The following CHRD variants were observed in gnomAD, a reference collection of about 807,000 sequenced individuals.
CHRD encodes chordin.
A neutral mutation model predicts 113.7 loss-of-function variants in CHRD; 69 were observed. That is an observed-to-expected ratio of 0.61 (90% confidence interval 0.50 to 0.74). The LOEUF is 0.74. Ranked by LOEUF, CHRD falls within the 30% of genes least tolerant of loss-of-function variation. CHRD has a pLI of 0.00. For synonymous variants in CHRD, 561 were observed against 540.8 expected (o/e 1.04, Z -0.52); for missense variants, 1,194 against 1,295.8 (o/e 0.92, Z 1.21).
Position 184,381,771 on chromosome 3 carries a change from C to T in CHRD, c.567C>T (p.Val189=), listed in dbSNP as rs771328484. ...CGCAGGCGGTGGCACGAGCCCGAGT[C>T]TCGCTGCTGCGCTCTAGCCTCCGCT... Residue 189 remains valine (V), a synonymous_variant, in exon 5 of 23, where the codon GTC becomes GTT. Coordinates refer to ENST00000204604, the Ensembl canonical transcript of CHRD. This position sits in a 1 kb window ranked among gnomAD's most constrained non-coding sequence, Gnocchi z 4.7. 6.2e-7 allele frequency: 1 copy of T among 1,613,292 alleles called. No homozygotes were observed. Among genetic ancestry groups the T allele is most frequent in the South Asian group, 1.1e-5 (1 of 91,060 alleles).
intron 6 of CHRD, 49 bp from the exon 7 acceptor site, chr3:184,382,340 T>C (rs780531471): frequency 1.2e-6 from 2 of 1,607,950 alleles, no homozygotes; most frequent in Admixed American, 1.7e-5. Context: ...CTAATTGGCC[T>C]AGCCTGCACA....
In CHRD at chr3:184,382,874, T is replaced by G. The variant is rs1715671199; in HGVS notation, c.1001T>G (p.Leu334Trp). Residue 334 changes from leucine to tryptophan, a missense_variant, in exon 9 of 23, where the codon TTG becomes TGG. Transcript: ENST00000204604. ...CTTGCAGGACTAACCCAGGTTCCCT[T>G]GAGGCTCCAGATTCTACACCAGGGG... is the stretch of plus-strand genomic sequence containing the variant. 5.0e-6 allele frequency: 8 copies of G among 1,613,124 alleles called. No individual in the cohort carries two copies. The East Asian group carries it at 1.8e-4, about 36-fold the overall frequency.
chr3:184,386,657 C>T lies in CHRD; in HGVS notation c.2098C>T (p.Arg700Ter), dbSNP rs1716351103. ...CAAACCTGGTGGTCCTGGGCGGCCCCGAGACCCCAACACATGCTTCTTCGA... is the reference window on the plus strand; with the variant it reads ...CAAACCTGGTGGTCCTGGGCGGCCCTGAGACCCCAACACATGCTTCTTCGA... Residue 700 changes from arginine (R) to a stop codon, truncating the protein, a stop_gained, in exon 16 of 23, where the codon CGA becomes TGA. Coordinates refer to ENST00000204604, the Ensembl canonical transcript of CHRD. LOFTEE classifies it high-confidence loss of function. The T allele has an allele frequency of 6.2e-6, 10 of 1,611,476 alleles. No homozygotes were observed. Among genetic ancestry groups the T allele is most frequent in the African/African-American group, 1.3e-5 (1 of 75,040 alleles).
In CHRD at chr3:184,388,183, GA is replaced by G. The variant is rs2108661795; in HGVS notation, c.2554+152del. On this transcript the variant is annotated intron_variant, in intron 20 of 22. Coordinates refer to ENST00000204604, the Ensembl canonical transcript of CHRD. This position sits in a 1 kb window ranked among gnomAD's most constrained non-coding sequence, Gnocchi z 6.1. ...GCCAGGACTCTAAATGCAGTGGAAA[GA>G]ATGTGATATACTAGTGGGGTATGAT... 1.4e-6 allele frequency: 1 copy of G among 704,998 alleles called. No homozygotes were observed. The highest frequency in any genetic ancestry group is 2.5e-6 in the Non-Finnish European group (1 of 406,560). The allele number at this position is 704,998 out of a possible 1,614,324, so 43.7% of individuals were successfully genotyped here.
chr3:184,387,876 G>A lies in CHRD; in HGVS notation c.2452-55G>A. ...AGGTGTGGAATAGGAGAGGGAGTGG[G>A]CAGGAGGCTTATGTGCCCCCTGCCT... On this transcript the variant is annotated intron_variant, in intron 19 of 22. Transcript: ENST00000204604. The surrounding 1 kb of genome is among the most constrained non-coding windows in gnomAD (Gnocchi z 6.1). The A allele has an allele frequency of 1.4e-6, 2 of 1,454,380 alleles. No homozygotes were observed. The highest frequency in any genetic ancestry group is 1.9e-6 in the Non-Finnish European group (2 of 1,050,568). The allele number at this position is 1,454,380 out of a possible 1,614,324, so 90.1% of individuals were successfully genotyped here. A position where few individuals can be genotyped will look rare whatever the true frequency, so the allele number is the denominator to read the frequency against.
chr3:184,383,231 G>A, intron 10 of CHRD, 68 bp downstream of exon 10: 1 of 1,587,936 alleles, frequency 6.3e-7, no homozygotes, highest in East Asian at 2.2e-5. Context: ...GTGCCAGGGT[G>A]GGTGTGGGAG....
Position 184,381,979 on chromosome 3 carries a change from G to T in CHRD, c.658G>T (p.Val220Phe). The change falls in exon 6 of 23, where the codon GTC becomes TTC. Residue 220 changes from valine to phenylalanine, a missense_variant. Coordinates refer to ENST00000204604, the Ensembl canonical transcript of CHRD. The surrounding 1 kb of genome is among the most constrained non-coding windows in gnomAD (Gnocchi z 4.7). ...CCGCTTCTCAGACTCCAATGGCAGT[G>T]TCCTGTTTGAGCACCCTGCAGCCCC... The T allele has an allele frequency of 6.2e-7, 1 of 1,614,180 alleles. No individual in the cohort carries two copies. The highest frequency in any genetic ancestry group is 8.5e-7 in the Non-Finnish European group (1 of 1,180,036).
chr3:184,383,081 G>C (rs1407785532), exon 10 of CHRD: 14 of 1,611,280 alleles, frequency 8.7e-6, no homozygotes, highest in Non-Finnish European at 1.1e-5. Context: ...TGGTGCTGGG[G>C]GAGCTGCAGA....
At chr3:184,389,535 G>A in exon 23 of CHRD, 1 of 927,012 alleles carries the variant, frequency 1.1e-6, no homozygotes, top group Non-Finnish European at 1.7e-6. Flanking sequence ...TTGCTCCTCT[G>A]TCCTGCCTCT....
chr3:184,387,656 C>T lies in CHRD; in HGVS notation c.2451+179C>T, dbSNP rs1716543087. On this transcript the variant is annotated intron_variant, in intron 19 of 22. Transcript: ENST00000204604. This position sits in a 1 kb window ranked among gnomAD's most constrained non-coding sequence, Gnocchi z 6.1. ...CTGTGGGAAAATGAACAGGGCTGAC[C>T]TGGGTGTGGATTCTGGCTCTGCCAG... Among the ~76,000 whole-genome samples the T allele has an allele frequency of 6.6e-6, 1 of 152,182 alleles. No homozygotes were observed. Among genetic ancestry groups the T allele is most frequent in the Non-Finnish European group, 1.5e-5 (1 of 68,032 alleles).
chr3:184,380,425 T>C lies in CHRD; in HGVS notation c.107T>C (p.Ile36Thr). Residue 36 changes from isoleucine to threonine, a missense_variant, in exon 1 of 23, where the codon ATC (isoleucine) becomes ACC (threonine). Ile to Thr is a moderately conservative substitution (Grantham distance 89, BLOSUM62 -1). Coordinates refer to ENST00000204604, the Ensembl canonical transcript of CHRD. The surrounding 1 kb of genome is among the most constrained non-coding windows in gnomAD (Gnocchi z 6.3). ...GGCCCAGAGCCCCCCGTGCTGCCCA[T>C]CCGTTCTGAGAAGGAGCCGCTGCCC... The C allele has an allele frequency of 7.6e-7, 1 of 1,323,278 alleles. No homozygotes were observed. The highest frequency in any genetic ancestry group is 1.6e-5 in the South Asian group (1 of 63,948). 82.0% of individuals were successfully genotyped at this position (1,323,278 alleles called of 1,614,324 possible). A position where few individuals can be genotyped will look rare whatever the true frequency, so the allele number is the denominator to read the frequency against.
exon 16 of CHRD, chr3:184,386,740 A>T: frequency 6.2e-7 from 1 of 1,612,740 alleles, no homozygotes; most frequent in Non-Finnish European, 8.5e-7. Context: ...CGCTCTGCTC[A>T]CTCTGCACCT....
chr3:184,380,820 G>T lies in CHRD; in HGVS notation c.252+25G>T. The T allele has an allele frequency of 6.5e-7, 1 of 1,531,766 alleles. No homozygotes were observed. 94.9% of individuals were successfully genotyped at this position (1,531,766 alleles called of 1,614,324 possible). On this transcript the variant is annotated intron_variant, in intron 2 of 22. Coordinates refer to ENST00000204604, the Ensembl canonical transcript of CHRD. The surrounding 1 kb of genome is among the most constrained non-coding windows in gnomAD (Gnocchi z 6.3). The stretch of plus-strand genomic sequence containing the variant: ...GGTGAGTGCACCCCGCGGCCGGCCC[G>T]GGCCCTGGCGGGTGGGGAGCGCCGG...
rs1715431201 is a variant in CHRD at position 184,381,600 on chromosome 3, C to G, written c.487C>G (p.Arg163Gly). ...CCGCGGGGAGCCAGGCGCTGAGGAG[C>G]GGGCCCGTGGTGACGGCCACACGGG... is the stretch of plus-strand genomic sequence containing the variant. The change falls in exon 4 of 23, where the codon CGG (arginine) becomes GGG (glycine). Residue 163 changes from arginine (R) to glycine (G), a missense_variant. Transcript: ENST00000204604. This position sits in a 1 kb window ranked among gnomAD's most constrained non-coding sequence, Gnocchi z 4.7. 1 of 1,607,110 alleles carries G rather than the reference C, an allele frequency of 6.2e-7. No homozygotes were observed. The highest frequency in any genetic ancestry group is 8.5e-7 in the Non-Finnish European group (1 of 1,176,840).
exon 14 of CHRD, chr3:184,385,072 C>T (rs1233415690): frequency 1.2e-6 from 2 of 1,614,034 alleles, no homozygotes; most frequent in East Asian, 4.5e-5. Flanking sequence ...AAGAGCCAAG[C>T]AGCAGGGCAC....
chr3:184,380,361 G>C lies in CHRD; in HGVS notation c.43G>C (p.Gly15Arg), dbSNP rs1715092322. The change falls in exon 1 of 23, where the codon GGG becomes CGG. Residue 15 changes from glycine (G) to arginine (R), a missense_variant. Gly to Arg is a moderately radical substitution (Grantham distance 125, BLOSUM62 -2). Coordinates refer to ENST00000204604, the Ensembl canonical transcript of CHRD. This position sits in a 1 kb window ranked among gnomAD's most constrained non-coding sequence, Gnocchi z 6.3. Reference sequence around the variant, plus strand: ...CCCGCCGGCCCCGCTGCTGCTCCTCGGGCTGCTGCTGCTCGGCTCCCGGCC... The same window carrying C: ...CCCGCCGGCCCCGCTGCTGCTCCTCCGGCTGCTGCTGCTCGGCTCCCGGCC... 6 of 1,347,142 alleles carry C rather than the reference G, an allele frequency of 4.5e-6. No individual in the cohort carries two copies. Among genetic ancestry groups the C allele is most frequent in the East Asian group, 3.6e-5 (1 of 27,472 alleles). 83.4% of individuals were successfully genotyped at this position (1,347,142 alleles called of 1,614,324 possible). A position where few individuals can be genotyped will look rare whatever the true frequency, so the allele number is the denominator to read the frequency against.
In CHRD at chr3:184,384,417, A is replaced by G. The variant is rs529787409; in HGVS notation, c.1441-120A>G. The G allele has an allele frequency of 5.0e-6, 6 of 1,204,440 alleles. No individual in the cohort carries two copies. The South Asian group carries it at 1.8e-4, about 36-fold the overall frequency. 74.6% of individuals were successfully genotyped at this position (1,204,440 alleles called of 1,614,324 possible). On this transcript the variant is annotated intron_variant, in intron 12 of 22. Transcript: ENST00000204604. The surrounding 1 kb of genome is among the most constrained non-coding windows in gnomAD (Gnocchi z 4.4). The stretch of plus-strand genomic sequence containing the variant: ...TTGAAACTGGGCCTGCCAGGTCCTT[A>G]TCCTGTGTTTCTGGTGTGTGGAAGT...
Position 184,380,808 on chromosome 3 carries a change from C to G in CHRD, c.252+13C>G, listed in dbSNP as rs765337014. ...CGCCTGCGAGGCGGTGAGTGCACCC[C>G]GCGGCCGGCCCGGGCCCTGGCGGGT... On this transcript the variant is annotated intron_variant, in intron 2 of 22. Transcript: ENST00000204604. This position sits in a 1 kb window ranked among gnomAD's most constrained non-coding sequence, Gnocchi z 6.3. The G allele has an allele frequency of 2.7e-5, 42 of 1,568,966 alleles. No homozygotes were observed. The highest frequency in any genetic ancestry group is 3.4e-5 in the Non-Finnish European group (40 of 1,164,156).
rs764352658 is a variant in CHRD, at chr3:184,386,956, G to T, written c.2290+18G>T. 1 of 1,614,226 alleles carries T rather than the reference G, an allele frequency of 6.2e-7. No individual in the cohort carries two copies. Among genetic ancestry groups the T allele is most frequent in the Admixed American group, 1.7e-5 (1 of 60,034 alleles). On this transcript the variant is annotated intron_variant, in intron 17 of 22. Coordinates refer to ENST00000204604, the Ensembl canonical transcript of CHRD. ...TTGCCCTGGTGAGTTCCCCGCAGGG[G>T]AGTGGAGGGAGGAGTTGGCCCAGTG...
Sources: allele counts gnomAD v4.1 joint callset (sites outside exome capture counted in the v4.1 genomes callset), GRCh38; gene constraint gnomAD v4.1.1; non-coding constraint Gnocchi (gnomAD v3.1); transcripts MANE v1.5; gene names NCBI Gene and HGNC (gene_info 2026-07-23, HGNC 2026-07-21).